PLCG2: variants seen among roughly 807,000 people sequenced by gnomAD.
PLCG2 encodes phospholipase C gamma 2.
PLCG2 carries 69 observed loss-of-function variants against 175.6 expected under a neutral mutation model. That is an observed-to-expected ratio of 0.39 (90% CI 0.32 to 0.48). PLCG2 has a LOEUF of 0.48. Among genes scored for constraint, PLCG2 ranks in the 20% least tolerant of loss-of-function variants. PLCG2 has a pLI of 0.91. For synonymous variants in PLCG2, 827 were observed against 624.0 expected (o/e 1.33, Z -4.85); for missense variants, 1,798 against 1,650.9 (o/e 1.09, Z -1.54).
At chr16:81,759,159 T>G (rs997487117) in intron 2 of PLCG2, among the ~76,000 whole-genome samples, 27 of 152,226 alleles carry the variant, frequency 1.8e-4, no homozygotes, top group Admixed American at 3.3e-4. Flanking sequence ...TTTTCATTAT[T>G]GAGTTGTAAG....
intron 5 of PLCG2, among the ~76,000 whole-genome samples, chr16:81,860,441 C>T (rs1906924917): frequency 6.6e-6 from 1 of 151,956 alleles, no homozygotes; most frequent in Non-Finnish European, 1.5e-5. Context: ...ACAGCGTTTG[C>T]TGGTCTAATA....
intron 30 of PLCG2, among the ~76,000 whole-genome samples, chr16:81,944,124 T>G (rs1235676707): frequency 6.6e-6 from 1 of 152,192 alleles, no homozygotes; most frequent in Non-Finnish European, 1.5e-5. Flanking sequence ...CACTGTAAAG[T>G]AATACTGAGC....
At chr16:81,879,652 T>G (rs1907983565) in intron 7 of PLCG2, among the ~76,000 whole-genome samples, 1 of 152,190 alleles carries the variant, frequency 6.6e-6, no homozygotes, top group African/African-American at 2.4e-5. Context: ...ATTGATCATG[T>G]GATAGTGGAT....
chr16:81,870,821 A>T, intron 6 of PLCG2, 31 bp from the exon 7 acceptor site: 1 of 1,272,186 alleles, frequency 7.9e-7, no homozygotes. Flanking sequence ...GGACATCAAA[A>T]ATCATGTGGT....
chr16:81,805,777 TTTTTTG>T lies in PLCG2; in HGVS notation c.193+19601_193+19606del, dbSNP rs1359744097. 9.4e-4 allele frequency among the ~76,000 whole-genome samples: 109 copies of T among 115,752 alleles called. 2 individuals are homozygous for T. Among genetic ancestry groups the T allele is most frequent in the African/African-American group, 1.8e-3 (53 of 28,972 alleles). The allele number at this position is 115,752 out of a possible 152,430, so 75.9% of individuals were successfully genotyped here. On this transcript the variant is annotated intron_variant, in intron 2 of 32. Coordinates refer to ENST00000564138, the MANE Select transcript of PLCG2 (RefSeq NM_002661.5). ...GTAGTGTTTTGTTTTGTTTTTTTTT[TTTTTTG>T]TTTTTTTTTTTTTTTGCTGTTATTG...
At chr16:81,830,736 A>T (rs1284609849) in intron 2 of PLCG2, among the ~76,000 whole-genome samples, 1 of 151,956 alleles carries the variant, frequency 6.6e-6, no homozygotes, top group Admixed American at 6.6e-5. Context: ...ATCATCTGCC[A>T]AGGGCTGCAG....
At chr16:81,894,054 G>A (rs534995498) in intron 12 of PLCG2, among the ~76,000 whole-genome samples, 5 of 147,490 alleles carry the variant, frequency 3.4e-5, no homozygotes, top group East Asian at 2.0e-4. Flanking sequence ...ACAGACACCC[G>A]CTGTGTTTTG....
At chr16:81,955,084 A>G (rs866905307) in intron 31 of PLCG2, among the ~76,000 whole-genome samples, 5 of 152,190 alleles carry the variant, frequency 3.3e-5, no homozygotes, top group East Asian at 1.9e-4. Flanking sequence ...ACTCTTCCCA[A>G]TGCCTCACTT....
intron 4 of PLCG2, 96 bp downstream of exon 4, chr16:81,858,452 G>A (rs963831654): frequency 3.7e-6 from 3 of 813,686 alleles, no homozygotes; most frequent in African/African-American, 1.7e-5. Flanking sequence ...AAAAAAAAAA[G>A]GGACATTGGT....
intron 2 of PLCG2, among the ~76,000 whole-genome samples, chr16:81,823,615 T>C (rs867399443): frequency 6.6e-6 from 1 of 152,030 alleles, no homozygotes; most frequent in Non-Finnish European, 1.5e-5. Context: ...AGCCTCAAAC[T>C]CCTGGGCTCA....
chr16:81,879,569 C>T (rs770116802), intron 7 of PLCG2, among the ~76,000 whole-genome samples: 13 of 152,146 alleles, frequency 8.5e-5, no homozygotes, highest in South Asian at 2.1e-4. Flanking sequence ...GTCCCCATGA[C>T]GTCCTGGGCT....
chr16:81,776,398 C>A (rs373500047), upstream of PLCG2, among the ~76,000 whole-genome samples: 1 of 150,312 alleles, frequency 6.7e-6, no homozygotes, highest in Non-Finnish European at 1.5e-5. Context: ...CGTGAGCCAC[C>A]GCGCCCGGCT....
intron 2 of PLCG2, among the ~76,000 whole-genome samples, chr16:81,789,620 T>G (rs901240745): frequency 2.0e-5 from 3 of 152,228 alleles, no homozygotes; most frequent in African/African-American, 7.2e-5. Flanking sequence ...CTGTTCAGCC[T>G]CTTTATTTCC....
At chr16:81,885,459 C>T (rs141593245) in intron 9 of PLCG2, among the ~76,000 whole-genome samples, 34 of 152,314 alleles carry the variant, frequency 2.2e-4, no homozygotes, top group Admixed American at 1.2e-3. Context: ...GCACTGTGCC[C>T]GGCCCACTTT....
intron 2 of PLCG2, 85 bp from the exon 3 acceptor site, chr16:81,854,359 C>G: frequency 2.9e-5 from 36 of 1,247,620 alleles, no homozygotes; most frequent in Non-Finnish European, 4.2e-5. Flanking sequence ...AGGAGCCAGG[C>G]TGTGCCTGGG....
chr16:81,746,321 C>G (rs1313235208), intron 1 of PLCG2, among the ~76,000 whole-genome samples: 1 of 152,222 alleles, frequency 6.6e-6, no homozygotes, highest in Non-Finnish European at 1.5e-5. Context: ...AGTTTTCGCC[C>G]CCAGCACAGG....
chr16:81,902,217 G>A (rs542011868), intron 14 of PLCG2, among the ~76,000 whole-genome samples: 1 of 152,312 alleles, frequency 6.6e-6, no homozygotes, highest in East Asian at 1.9e-4. Flanking sequence ...GAGCGAGTGT[G>A]AATTTTGTTG....
chr16:81,774,522 G>T (rs1040478790), upstream of PLCG2, among the ~76,000 whole-genome samples: 2 of 152,152 alleles, frequency 1.3e-5, no homozygotes. Flanking sequence ...CTGGGACTCG[G>T]CTCGTCGCCA....
At chr16:81,944,814 G>C (rs146714346) in intron 30 of PLCG2, among the ~76,000 whole-genome samples, 59 of 152,210 alleles carry the variant, frequency 3.9e-4, no homozygotes, top group African/African-American at 1.4e-3. Flanking sequence ...AGCCTCCAAG[G>C]ATTTTGGTAT....
Sources: allele counts gnomAD v4.1 joint callset (sites outside exome capture counted in the v4.1 genomes callset), GRCh38; gene constraint gnomAD v4.1.1; transcripts MANE v1.5; gene names NCBI Gene and HGNC (gene_info 2026-07-23, HGNC 2026-07-21).